The following CLSTN2 variants were observed in gnomAD, a reference collection of about 807,000 sequenced individuals.
CLSTN2 encodes the protein calsyntenin 2.
A neutral mutation model predicts 101.2 loss-of-function variants in CLSTN2; 48 were observed. That is an observed-to-expected ratio of 0.47 (90% CI 0.38 to 0.60). The LOEUF is 0.60. Ranked by LOEUF, CLSTN2 falls within the 20% of genes least tolerant of loss-of-function variation. CLSTN2 has a pLI of 0.00. For missense variants in CLSTN2, 1,160 were observed against 1,238.2 expected (o/e 0.94, Z 0.95); for synonymous variants, 481 against 463.6 (o/e 1.04, Z -0.48).
At chr3:140,327,084 A>G (rs781153168) in intron 2 of CLSTN2, among the ~76,000 whole-genome samples, 4 of 152,268 alleles carry the variant, frequency 2.6e-5, no homozygotes, top group Non-Finnish European at 4.4e-5. Flanking sequence ...CATTAAAACA[A>G]TGCTGGAAAG....
intron 6 of CLSTN2, among the ~76,000 whole-genome samples, chr3:140,453,967 A>G (rs1165030483): frequency 6.6e-6 from 1 of 152,210 alleles, no homozygotes; most frequent in Non-Finnish European, 1.5e-5. Flanking sequence ...TTTCTTTAAG[A>G]CACTGCTAAA....
At chr3:140,269,645 T>C (rs957965665) in intron 2 of CLSTN2, among the ~76,000 whole-genome samples, 10 of 152,202 alleles carry the variant, frequency 6.6e-5, no homozygotes, top group Non-Finnish European at 1.5e-5. Flanking sequence ...GTGAACTCTG[T>C]GTGCATAGCC....
In CLSTN2 at chr3:140,089,971, CTTTTTTTTTTT is replaced by C. The variant is rs58418539; in HGVS notation, c.110-85961_110-85951del. ...CCTGGCTGATTTCAGCTAGGATTGG[CTTTTTTTTTTT>C]TTTTTTTTTTTTTTTTTTAACAGAC... is the stretch of plus-strand genomic sequence containing the variant. On this transcript the variant is annotated intron_variant, in intron 1 of 16. Transcript: ENST00000458420. Among the ~76,000 whole-genome samples, 16 of 49,672 alleles carry C rather than the reference CTTTTTTTTTTT, an allele frequency of 3.2e-4. No individual in the cohort carries two copies. In the South Asian group the frequency reaches 0.012, roughly 38 times the overall value. The allele number at this position is 49,672 out of a possible 152,430, so 32.6% of individuals were successfully genotyped here. A position where few individuals can be genotyped will look rare whatever the true frequency, so the allele number is the denominator to read the frequency against.
chr3:140,256,140 A>G (rs935141276), intron 2 of CLSTN2, among the ~76,000 whole-genome samples: 1 of 152,194 alleles, frequency 6.6e-6, no homozygotes, highest in African/African-American at 2.4e-5. Flanking sequence ...CAGCTGAAGA[A>G]CAAGAGAGGC....
At chr3:140,396,957 G>A (rs768579087) in intron 2 of CLSTN2, among the ~76,000 whole-genome samples, 1 of 152,100 alleles carries the variant, frequency 6.6e-6, no homozygotes, top group South Asian at 2.1e-4. Context: ...TATTATTAAA[G>A]ATTCTCAAGA....
chr3:139,949,871 G>A (rs553242606), intron 1 of CLSTN2, among the ~76,000 whole-genome samples: 2 of 152,328 alleles, frequency 1.3e-5, no homozygotes, highest in South Asian at 4.1e-4. Context: ...CAAGTTTTAA[G>A]TGGATAAAGC....
rs565426504 is a variant in CLSTN2, at chr3:140,428,884, A to G, written c.787+7610A>G. Among the ~76,000 whole-genome samples, 7 of 152,294 alleles carry G rather than the reference A, an allele frequency of 4.6e-5. No individual in the cohort carries two copies. The East Asian group carries it at 1.4e-3, about 29-fold the overall frequency. ...GAAGGAAGGGTGGCAGCTTTTGGAG[A>G]AGCGCTTCTCAAACTCAAACATGCA... On this transcript the variant is annotated intron_variant, in intron 5 of 16. Transcript: ENST00000458420.
At chr3:140,142,216 C>T (rs759787502) in intron 1 of CLSTN2, among the ~76,000 whole-genome samples, 3 of 152,150 alleles carry the variant, frequency 2.0e-5, no homozygotes, top group African/African-American at 7.2e-5. Context: ...TTGCTTCCTT[C>T]GTATTGATGC....
chr3:140,198,966 A>G (rs997212806), intron 2 of CLSTN2, among the ~76,000 whole-genome samples: 23 of 152,150 alleles, frequency 1.5e-4, no homozygotes, highest in Non-Finnish European at 4.4e-5. Flanking sequence ...GCATCTAGGG[A>G]GGTCTGATTC....
At chr3:140,125,327 A>C (rs1029835872) in intron 1 of CLSTN2, among the ~76,000 whole-genome samples, 1 of 152,112 alleles carries the variant, frequency 6.6e-6, no homozygotes, top group Admixed American at 6.6e-5. Flanking sequence ...TTCAGGACAG[A>C]GAGGGCAGTT....
intron 2 of CLSTN2, among the ~76,000 whole-genome samples, chr3:140,324,132 T>C (rs577947470): frequency 2.0e-5 from 3 of 152,228 alleles, no homozygotes; most frequent in Non-Finnish European, 4.4e-5. Context: ...CCTTGAAAAG[T>C]ACTGTGGGCA....
At position 140,083,353 on chromosome 3, in the gene CLSTN2, C is replaced by T. The variant is rs75304009; in HGVS notation, c.110-92598C>T. Among the ~76,000 whole-genome samples the T allele has an allele frequency of 1.4e-3, 219 of 152,232 alleles. 1 individual carries two copies. The East Asian group carries it at 0.025, about 17-fold the overall frequency. ...CTTGATAGCCCAAATTTTCTAATGG[C>T]AGCAAGGAGGGATGAATTTTCAAAG... is the stretch of plus-strand genomic sequence containing the variant. On this transcript the variant is annotated intron_variant, in intron 1 of 16. Coordinates refer to ENST00000458420, the MANE Select transcript of CLSTN2 (RefSeq NM_022131.3).
chr3:140,237,274 C>T (rs1023852886), intron 2 of CLSTN2, among the ~76,000 whole-genome samples: 7 of 152,150 alleles, frequency 4.6e-5, no homozygotes, highest in South Asian at 2.1e-4. Context: ...CCACTACTGA[C>T]GCAATACTCC....
At chr3:140,261,601 C>T (rs1559822306) in intron 2 of CLSTN2, among the ~76,000 whole-genome samples, 1 of 151,232 alleles carries the variant, frequency 6.6e-6, no homozygotes, top group Non-Finnish European at 1.5e-5. Context: ...CGTGTACTTG[C>T]TGCTACTAGG....
chr3:140,558,522 A>T (rs1935844360), intron 11 of CLSTN2, 118 bp from the exon 12 acceptor site: 1 of 702,506 alleles, frequency 1.4e-6, no homozygotes, highest in Non-Finnish European at 2.4e-6. Flanking sequence ...CCTCAGAGAC[A>T]CTTACGCAGT....
chr3:140,340,503 A>G (rs1000501136), intron 2 of CLSTN2, among the ~76,000 whole-genome samples: 1 of 152,200 alleles, frequency 6.6e-6, no homozygotes, highest in African/African-American at 2.4e-5. Flanking sequence ...ACAATTATGA[A>G]TGATTTTTCC....
chr3:140,044,598 G>A (rs1159668254), intron 1 of CLSTN2, among the ~76,000 whole-genome samples: 1 of 152,156 alleles, frequency 6.6e-6, no homozygotes, highest in Non-Finnish European at 1.5e-5. Context: ...GGGCATCCCT[G>A]TCTTGTGGCA....
chr3:140,144,330 G>A (rs969189160), intron 1 of CLSTN2, among the ~76,000 whole-genome samples: 7 of 152,120 alleles, frequency 4.6e-5, no homozygotes, highest in African/African-American at 1.4e-4. Flanking sequence ...AAAATGGGCC[G>A]GGTGTGGTGG....
chr3:140,525,802 T>C (rs1935125433), intron 8 of CLSTN2, among the ~76,000 whole-genome samples: 1 of 151,990 alleles, frequency 6.6e-6, no homozygotes, highest in African/African-American at 2.4e-5. Flanking sequence ...TGATTCACCA[T>C]GTGAACAGAA....
Sources: allele counts gnomAD v4.1 joint callset (sites outside exome capture counted in the v4.1 genomes callset), GRCh38; gene constraint gnomAD v4.1.1; transcripts MANE v1.5; gene names NCBI Gene and HGNC (gene_info 2026-07-23, HGNC 2026-07-21).